Variants in TAFA2 observed in about 807,000 individuals in gnomAD.
TAFA2 encodes chemokine-like protein TAFA-2.
Under a neutral mutation model 18.8 loss-of-function variants are expected in TAFA2, and 7 were observed. That is an observed-to-expected ratio of 0.37 (90% CI 0.21 to 0.70). The LOEUF (loss-of-function observed/expected upper bound fraction) is 0.70. TAFA2 is among the 30% of genes least tolerant of loss of function. The probability of loss-of-function intolerance (pLI) is 0.53; values close to 1 mark genes in which losing one functional copy is unlikely to be tolerated. For synonymous variants in TAFA2, 60 were observed against 54.2 expected (o/e 1.11, Z -0.47); for missense variants, 122 against 158.1 (o/e 0.77, Z 1.23).
intron 1 of TAFA2, among the ~76,000 whole-genome samples, chr12:62,019,404 A>C (rs909122816): frequency 1.0e-4 from 7 of 68,064 alleles, no homozygotes; most frequent in Non-Finnish European, 2.3e-4. Context: ...TATTCACAAT[A>C]GCAAAGACTT....
chr12:61,950,913 C>T (rs1329461505), intron 1 of TAFA2, among the ~76,000 whole-genome samples: 1 of 152,154 alleles, frequency 6.6e-6, no homozygotes, highest in Non-Finnish European at 1.5e-5. Flanking sequence ...TCTCTACCAT[C>T]AACCTTCTTT....
At chr12:61,754,153 C>T (rs1255357447) in intron 3 of TAFA2, among the ~76,000 whole-genome samples, 2 of 151,722 alleles carry the variant, frequency 1.3e-5, no homozygotes, top group Non-Finnish European at 2.9e-5. Flanking sequence ...GGACCTATGA[C>T]CAGTTTTTAG....
At chr12:61,786,286 C>T (rs36008342) in intron 2 of TAFA2, among the ~76,000 whole-genome samples, 42,428 of 151,260 alleles carry the variant, frequency 0.28, 6,676 homozygotes, top group South Asian at 0.4. Flanking sequence ...CTGCTATGGT[C>T]CTGCCTTACT....
intron 1 of TAFA2, among the ~76,000 whole-genome samples, chr12:62,054,166 G>A (rs1882127204): frequency 6.6e-6 from 1 of 152,308 alleles, no homozygotes; most frequent in Non-Finnish European, 1.5e-5. Flanking sequence ...TGTGTCAGCA[G>A]CATTAAGCAG....
chr12:62,203,919 C>T (rs1208524771), intron 1 of TAFA2, among the ~76,000 whole-genome samples: 1 of 152,094 alleles, frequency 6.6e-6, no homozygotes, highest in South Asian at 2.1e-4. Flanking sequence ...GATGTAGTTG[C>T]CTCATAGTGT....
At chr12:61,842,174 G>A (rs2121127941) in intron 2 of TAFA2, among the ~76,000 whole-genome samples, 1 of 151,814 alleles carries the variant, frequency 6.6e-6, no homozygotes, top group South Asian at 2.1e-4. Flanking sequence ...CACATAAATA[G>A]GTTTATTATG....
chr12:61,848,237 A>G (rs1873488011), intron 2 of TAFA2, among the ~76,000 whole-genome samples: 1 of 152,226 alleles, frequency 6.6e-6, no homozygotes, highest in South Asian at 2.1e-4. Context: ...ATCACATTTC[A>G]AAAGAGCAAA....
At chr12:62,221,534 T>G (rs554375373) in intron 1 of TAFA2, among the ~76,000 whole-genome samples, 1 of 152,120 alleles carries the variant, frequency 6.6e-6, no homozygotes, top group Non-Finnish European at 1.5e-5. Flanking sequence ...TCAGGATAGA[T>G]AACTCAGAAA....
At chr12:62,205,398 A>G (rs1443987403) in intron 1 of TAFA2, among the ~76,000 whole-genome samples, 1 of 152,204 alleles carries the variant, frequency 6.6e-6, no homozygotes, top group African/African-American at 2.4e-5. Flanking sequence ...ACTCATCCAG[A>G]CTGCCTGGAT....
At chr12:62,061,839 G>T (rs1185658163) in intron 1 of TAFA2, among the ~76,000 whole-genome samples, 1 of 152,102 alleles carries the variant, frequency 6.6e-6, no homozygotes, top group Non-Finnish European at 1.5e-5. Context: ...CATATTAGTG[G>T]ATAAAGGTGA....
intron 1 of TAFA2, among the ~76,000 whole-genome samples, chr12:62,102,501 T>C (rs1454591527): frequency 6.6e-6 from 1 of 152,192 alleles, no homozygotes; most frequent in Admixed American, 6.5e-5. Context: ...GGGTAACGTG[T>C]TCCACATTGT....
At chr12:61,967,407 G>T (rs1879105001) in intron 1 of TAFA2, among the ~76,000 whole-genome samples, 1 of 151,812 alleles carries the variant, frequency 6.6e-6, no homozygotes, top group Non-Finnish European at 1.5e-5. Context: ...AATGTAATGG[G>T]TAAGTTAAAG....
chr12:62,098,229 G>A (rs1267049142), intron 1 of TAFA2, among the ~76,000 whole-genome samples: 2 of 152,128 alleles, frequency 1.3e-5, no homozygotes, highest in Non-Finnish European at 2.9e-5. Flanking sequence ...CTTTTCTGCA[G>A]AGGTCTGTAA....
chr12:61,708,433 A>C lies in TAFA2; in HGVS notation c.*1973T>G, dbSNP rs1869243190. On this transcript the variant is annotated 3_prime_UTR_variant, in exon 5 of 5. Transcript: ENST00000416284. ...CAGAGTTTCCAGTGTTGATTTAAAG[A>C]ACATAGTTTAAAAAATGAGAAGCAT... The C allele has an allele frequency of 1.3e-5, 2 of 152,112 alleles. No homozygotes were observed. The highest frequency in any genetic ancestry group is 2.9e-5 in the Non-Finnish European group (2 of 67,978). The allele number at this position is 152,112 out of a possible 1,614,324, so 9.4% of individuals were successfully genotyped here.
chr12:61,828,605 T>C (rs1872607426), intron 2 of TAFA2, among the ~76,000 whole-genome samples: 1 of 151,838 alleles, frequency 6.6e-6, no homozygotes, highest in Admixed American at 6.6e-5. Context: ...TAGTAACTGA[T>C]GGACTATAAA....
intron 1 of TAFA2, among the ~76,000 whole-genome samples, chr12:62,076,073 C>A (rs1041765270): frequency 2.0e-5 from 3 of 152,118 alleles, no homozygotes; most frequent in Admixed American, 6.6e-5. Context: ...CTCTTTGTGA[C>A]AATATCTTTA....
chr12:62,047,695 A>C (rs1881945124), intron 1 of TAFA2, among the ~76,000 whole-genome samples: 1 of 152,186 alleles, frequency 6.6e-6, no homozygotes, highest in African/African-American at 2.4e-5. Context: ...AGGTATACAT[A>C]GCCAAAGATA....
intron 2 of TAFA2, among the ~76,000 whole-genome samples, chr12:61,797,410 G>A (rs1444438841): frequency 2.6e-5 from 4 of 152,108 alleles, no homozygotes; most frequent in East Asian, 3.9e-4. Context: ...GCACTAATGA[G>A]CCAGTGAAAT....
chr12:62,259,039 T>C (rs1384144211), upstream of TAFA2: 2 of 159,416 alleles, frequency 1.3e-5, no homozygotes, highest in Non-Finnish European at 2.8e-5. Context: ...AATACTGATA[T>C]ACACAAATCA....
Sources: gnomAD v4.1 joint callset for allele counts (sites outside exome capture counted in the v4.1 genomes callset) on GRCh38, gnomAD v4.1.1 for gene constraint, MANE v1.5 for transcripts, NCBI Gene and HGNC (gene_info 2026-07-23, HGNC 2026-07-21) for gene names.